Variants in CDH23 observed in about 807,000 individuals in gnomAD.
CDH23 encodes the protein cadherin-23.
Under a neutral mutation model 317.1 loss-of-function variants are expected in CDH23, and 189 were observed. That is an observed-to-expected ratio of 0.60 (90% CI 0.53 to 0.67). The LOEUF is 0.67. CDH23 is among the 30% of genes least tolerant of loss of function. CDH23 has a pLI of 0.00. For missense variants in CDH23, 4,401 were observed against 4,592.4 expected (o/e 0.96, Z 1.20); for synonymous variants, 1,839 against 1,876.8 (o/e 0.98, Z 0.52).
chr10:71,778,547 T>G (rs753479771), intron 40 of CDH23, among the ~76,000 whole-genome samples: 5 of 152,192 alleles, frequency 3.3e-5, no homozygotes, highest in African/African-American at 4.8e-5. Context: ...CCTCCTCTCC[T>G]TCATGGGAAA....
At position 71,533,063 on chromosome 10, in the gene CDH23, G is replaced by A. The variant is rs116680654; in HGVS notation, c.429+21851G>A. 5.0e-3 allele frequency among the ~76,000 whole-genome samples: 763 copies of A among 152,250 alleles called. 9 individuals carry two copies. The highest frequency in any genetic ancestry group is 0.017 in the African/African-American group (724 of 41,552). Reference sequence around the variant, plus strand: ...TTTTAATTGTCTGTGTGTGCCCAGCGCTGTATCTGGCACTGTGGGTGTGAC... The same window carrying A: ...TTTTAATTGTCTGTGTGTGCCCAGCACTGTATCTGGCACTGTGGGTGTGAC... On this transcript the variant is annotated intron_variant, in intron 6 of 69. Coordinates refer to ENST00000224721, the MANE Select transcript of CDH23 (RefSeq NM_022124.6).
At chr10:71,425,434 A>C (rs554326274) in intron 1 of CDH23, among the ~76,000 whole-genome samples, 146 of 131,478 alleles carry the variant, frequency 1.1e-3, no homozygotes, top group Non-Finnish European at 3.0e-4. Context: ...GGAAGGAAAG[A>C]AAGAAAGAAA....
chr10:71,484,788 A>T (rs1032160891), intron 3 of CDH23, among the ~76,000 whole-genome samples: 1 of 152,090 alleles, frequency 6.6e-6, no homozygotes, highest in Non-Finnish European at 1.5e-5. Context: ...TGAGTTAAGG[A>T]TGTTCCCTTC....
chr10:71,742,977 G>A (rs1839776478), intron 38 of CDH23, among the ~76,000 whole-genome samples: 1 of 152,176 alleles, frequency 6.6e-6, no homozygotes, highest in Non-Finnish European at 1.5e-5. Flanking sequence ...CAGCTGGGGT[G>A]ACAGGGACAA....
In CDH23 at chr10:71,738,660, G is replaced by C. The variant is rs1287990646; in HGVS notation, c.4359+13G>C. The stretch of plus-strand genomic sequence containing the variant: ...CAGCAATGGGCAGGTGGGCCACCGA[G>C]TGAAACAGCCAGGATCCACCATGTC... On this transcript the variant is annotated intron_variant, in intron 35 of 69. Transcript: ENST00000224721. 2 of 1,611,378 alleles carry C rather than the reference G, an allele frequency of 1.2e-6. No homozygotes were observed. The highest frequency in any genetic ancestry group is 1.1e-5 in the South Asian group (1 of 91,066).
At chr10:71,563,187 G>A (rs1174830251) in intron 6 of CDH23, among the ~76,000 whole-genome samples, 1 of 152,166 alleles carries the variant, frequency 6.6e-6, no homozygotes, top group East Asian at 1.9e-4. Context: ...TGTGAGGCCT[G>A]GAGCAAGGCA....
rs186335996 is a variant in CDH23, at chr10:71,751,230, C to T, written c.4845+9309C>T. 1.9e-6 allele frequency: 3 copies of T among 1,603,022 alleles called. No homozygotes were observed. The East Asian group carries it at 6.7e-5, about 36-fold the overall frequency. Reference sequence around the variant, plus strand: ...GCACCTGCCCCAGACCCAGCCACAACAGCCCACTGTCCCCCAGCTGGGCTA... The same window carrying T: ...GCACCTGCCCCAGACCCAGCCACAATAGCCCACTGTCCCCCAGCTGGGCTA... On this transcript the variant is annotated intron_variant, in intron 38 of 69. Transcript: ENST00000224721. The surrounding 1 kb of genome is among the most constrained non-coding windows in gnomAD (Gnocchi z 4.9).
chr10:71,529,459 G>A (rs1348428926), intron 6 of CDH23, among the ~76,000 whole-genome samples: 1 of 152,206 alleles, frequency 6.6e-6, no homozygotes, highest in African/African-American at 2.4e-5. Context: ...CTGGAGCGGG[G>A]TGGCCTTGTC....
chr10:71,637,758 G>A (rs889099164), intron 11 of CDH23, among the ~76,000 whole-genome samples: 7 of 152,086 alleles, frequency 4.6e-5, no homozygotes, highest in African/African-American at 1.7e-4. Flanking sequence ...TGGGCTGAGG[G>A]TGTCACACCA....
intron 11 of CDH23, among the ~76,000 whole-genome samples, chr10:71,625,383 T>G: frequency 4.6e-5 from 3 of 65,682 alleles, no homozygotes; most frequent in African/African-American, 1.1e-4. Context: ...GGAGAAAACA[T>G]CACCAAATAA....
chr10:71,789,585 CCT>C (rs1233936312), intron 45 of CDH23, among the ~76,000 whole-genome samples: 1 of 152,184 alleles, frequency 6.6e-6, no homozygotes, highest in Non-Finnish European at 1.5e-5. Flanking sequence ...CTCCCCAGCC[CCT>C]GTTCCTCATC....
At chr10:71,775,188 C>A (rs1840788711) in intron 38 of CDH23, among the ~76,000 whole-genome samples, 1 of 152,152 alleles carries the variant, frequency 6.6e-6, no homozygotes, top group African/African-American at 2.4e-5. Context: ...CAACTGAGAT[C>A]AGGTGGACAC....
chr10:71,757,925 G>A (rs576776464), intron 38 of CDH23, among the ~76,000 whole-genome samples: 3 of 152,286 alleles, frequency 2.0e-5, no homozygotes, highest in Admixed American at 2.0e-4. Flanking sequence ...CAGCAATGCA[G>A]GAGCTCCTTG....
chr10:71,799,779 C>G, intron 52 of CDH23, 150 bp downstream of exon 52: 1 of 1,056,010 alleles, frequency 9.5e-7, no homozygotes, highest in Non-Finnish European at 1.4e-6. Flanking sequence ...GTCAGCAAAC[C>G]CTGTTCTCAG....
At chr10:71,493,610 G>T (rs115174501) in intron 3 of CDH23, among the ~76,000 whole-genome samples, 2,592 of 152,280 alleles carry the variant, frequency 0.017, 57 homozygotes, top group African/African-American at 0.054. Context: ...ACAAATAGAT[G>T]TGGGGAAGGC....
chr10:71,784,837 G>T, intron 42 of CDH23, 54 bp from the exon 43 acceptor site: 1 of 1,478,328 alleles, frequency 6.8e-7, no homozygotes. Context: ...CGGTTGCCAT[G>T]CACAACATCT....
At chr10:71,452,343 C>T (rs1850487679) in intron 3 of CDH23, among the ~76,000 whole-genome samples, 1 of 152,148 alleles carries the variant, frequency 6.6e-6, no homozygotes, top group South Asian at 2.1e-4. Flanking sequence ...GTGGTAACCG[C>T]CCGCAGCCAG....
chr10:71,642,497 C>A (rs1394723670), intron 11 of CDH23, among the ~76,000 whole-genome samples: 1 of 147,196 alleles, frequency 6.8e-6, no homozygotes, highest in Non-Finnish European at 1.5e-5. Flanking sequence ...CTCCCGGCTT[C>A]AAGCAATTCT....
At chr10:71,783,744 C>T (rs1422866868) in intron 41 of CDH23, among the ~76,000 whole-genome samples, 1 of 152,190 alleles carries the variant, frequency 6.6e-6, no homozygotes, top group Non-Finnish European at 1.5e-5. Flanking sequence ...AAATAGAGGG[C>T]ACTGGGGGCT....
Sources: gnomAD v4.1 joint callset for allele counts (sites outside exome capture counted in the v4.1 genomes callset) on GRCh38, gnomAD v4.1.1 for gene constraint, Gnocchi (gnomAD v3.1) non-coding constraint, MANE v1.5 for transcripts, NCBI Gene and HGNC (gene_info 2026-07-23, HGNC 2026-07-21) for gene names.